Variants in ENTREP2 observed in about 807,000 individuals in gnomAD.
ENTREP2 encodes the protein endosomal transmembrane epsin interactor 2.
At chr15:29,556,767 C>CG in the ENTREP2 span, among the ~76,000 whole-genome samples, 46,093 of 110,784 alleles carry the variant, frequency 0.42, 7,102 homozygotes, top group East Asian at 0.61. Flanking sequence ...CAGGTGCCCC[C>CG]CCCCCGCCCC....
the ENTREP2 span, among the ~76,000 whole-genome samples, chr15:29,562,939 T>G: frequency 6.6e-6 from 1 of 152,048 alleles, no homozygotes; most frequent in Non-Finnish European, 1.5e-5. Context: ...TACAGCTGTG[T>G]GCCACCATGC....
At chr15:29,214,242 A>G in the ENTREP2 span, among the ~76,000 whole-genome samples, 1 of 152,230 alleles carries the variant, frequency 6.6e-6, no homozygotes, top group South Asian at 2.1e-4. Context: ...ATGCACACAT[A>G]TGTTTACTGC....
the ENTREP2 span, among the ~76,000 whole-genome samples, chr15:29,557,960 C>T: frequency 2.6e-5 from 4 of 152,216 alleles, no homozygotes; most frequent in Non-Finnish European, 4.4e-5. Context: ...CTCTAGCTCT[C>T]CTAAACCACA....
the ENTREP2 span, among the ~76,000 whole-genome samples, chr15:29,588,401 G>A: frequency 1.3e-5 from 2 of 152,000 alleles, no homozygotes; most frequent in African/African-American, 2.4e-5. Context: ...CTGGGAGGCC[G>A]GGGTTGTAGT....
chr15:29,269,426 G>A, the ENTREP2 span: 12 of 1,613,988 alleles, frequency 7.4e-6, no homozygotes, highest in Non-Finnish European at 1.0e-5. Context: ...AGCAAGAACT[G>A]CACCAGCTCG....
the ENTREP2 span, among the ~76,000 whole-genome samples, chr15:29,207,176 G>C: frequency 2.6e-5 from 4 of 152,136 alleles, no homozygotes; most frequent in African/African-American, 9.7e-5. Flanking sequence ...GTCCCTGCCA[G>C]ACCTGAGGAC....
the ENTREP2 span, among the ~76,000 whole-genome samples, chr15:29,220,827 T>TA: frequency 2.6e-4 from 39 of 152,122 alleles, no homozygotes; most frequent in African/African-American, 9.4e-4. Flanking sequence ...AAAAAAAAAC[T>TA]ACCTGCTTTT....
the ENTREP2 span, among the ~76,000 whole-genome samples, chr15:29,419,605 G>T: frequency 1.3e-5 from 2 of 152,150 alleles, no homozygotes; most frequent in Non-Finnish European, 2.9e-5. Context: ...ATCTCAAATC[G>T]TTCAGTAAGC....
the ENTREP2 span, among the ~76,000 whole-genome samples, chr15:29,287,363 G>C: frequency 1.1e-5 from 1 of 90,188 alleles, no homozygotes; most frequent in African/African-American, 4.2e-5. Context: ...AATCACAGAA[G>C]AAAGTTTAGG....
the ENTREP2 span, among the ~76,000 whole-genome samples, chr15:29,558,420 G>T: frequency 1.3e-5 from 2 of 151,522 alleles, no homozygotes; most frequent in African/African-American, 4.9e-5. Context: ...GCACAGGCCC[G>T]AAGCTGGCCC....
the ENTREP2 span, among the ~76,000 whole-genome samples, chr15:29,224,235 G>C: frequency 1.3e-5 from 2 of 152,094 alleles, no homozygotes; most frequent in Non-Finnish European, 2.9e-5. Context: ...CGTTCCTCCC[G>C]GTGGGTTCGT....
chr15:29,309,708 G>A, the ENTREP2 span, among the ~76,000 whole-genome samples: 2 of 150,328 alleles, frequency 1.3e-5, no homozygotes, highest in East Asian at 2.0e-4. Context: ...AGAATTACTC[G>A]AACCCGGGAG....
the ENTREP2 span, among the ~76,000 whole-genome samples, chr15:29,335,884 G>C: frequency 5.3e-5 from 8 of 152,130 alleles, 1 homozygote; most frequent in African/African-American, 1.9e-4. Flanking sequence ...GCTCACACCT[G>C]TAATCCCAGC....
chr15:29,385,329 A>G, the ENTREP2 span, among the ~76,000 whole-genome samples: 1 of 152,194 alleles, frequency 6.6e-6, no homozygotes, highest in African/African-American at 2.4e-5. Context: ...CCCCATTCCC[A>G]TAAGCAAAGC....
At chr15:29,541,376 C>G in the ENTREP2 span, among the ~76,000 whole-genome samples, 1 of 152,160 alleles carries the variant, frequency 6.6e-6, no homozygotes, top group Non-Finnish European at 1.5e-5. Flanking sequence ...TCAGCCTCAG[C>G]CTGAGGGAGC....
chr15:29,226,256 G>A, the ENTREP2 span, among the ~76,000 whole-genome samples: 1 of 152,116 alleles, frequency 6.6e-6, no homozygotes, highest in East Asian at 1.9e-4. Flanking sequence ...TTATTTTGCT[G>A]GGAATGTTTA....
At chr15:29,635,431 A>G in the ENTREP2 span, among the ~76,000 whole-genome samples, 6 of 152,132 alleles carry the variant, frequency 3.9e-5, no homozygotes, top group Admixed American at 1.3e-4. Flanking sequence ...AGCCTGAGAC[A>G]CCCAGCCTCG....
the ENTREP2 span, among the ~76,000 whole-genome samples, chr15:29,131,750 G>A: frequency 9.7e-5 from 13 of 133,566 alleles, no homozygotes; most frequent in African/African-American, 2.6e-4. Context: ...AGAGTGCCAC[G>A]ACAGGGGGAT....
At chr15:29,650,114 T>C in the ENTREP2 span, among the ~76,000 whole-genome samples, 2 of 152,234 alleles carry the variant, frequency 1.3e-5, no homozygotes, top group East Asian at 3.9e-4. Flanking sequence ...CGCTAAAGGT[T>C]GCCTGTAAAT....
Sources: gnomAD v4.1 joint callset for allele counts (sites outside exome capture counted in the v4.1 genomes callset) on GRCh38, gnomAD v4.1.1 for gene constraint, MANE v1.5 for transcripts, NCBI Gene and HGNC (gene_info 2026-07-23, HGNC 2026-07-21) for gene names.